Variants in HAUS7 observed in about 807,000 individuals in gnomAD.
HAUS7 encodes HAUS augmin like complex subunit 7, also known as HAUS augmin-like complex subunit 7.
HAUS7 carries 3 observed loss-of-function variants against 28.4 expected under a neutral mutation model. The observed-to-expected ratio is 0.11, with a 90% CI of 0.05 to 0.27. The LOEUF (loss-of-function observed/expected upper bound fraction) is 0.27. Among genes scored for constraint, HAUS7 ranks in the 10% least tolerant of loss-of-function variants. The probability of loss-of-function intolerance (pLI) is 1.00; values close to 1 mark genes in which losing one functional copy is unlikely to be tolerated. For synonymous variants in HAUS7, 165 were observed against 132.1 expected, an observed-to-expected ratio of 1.25 and a Z score of -1.71; for missense variants, 284 against 297.3, an observed-to-expected ratio of 0.96 and a Z score of 0.33.
intron 4 of HAUS7, among the ~76,000 whole-genome samples, chrX:153,458,102 G>A (rs2089339457): frequency 1.8e-5 from 2 of 113,477 alleles, no homozygotes; most frequent in African/African-American, 6.4e-5. Context: ...GTCCGTTCTG[G>A]TGCATTCCTC....
intron 4 of HAUS7, among the ~76,000 whole-genome samples, chrX:153,458,980 A>C (rs2089352459): frequency 9.1e-6 from 1 of 110,079 alleles, no homozygotes; most frequent in Non-Finnish European, 1.9e-5. Flanking sequence ...CTGGTCTTAA[A>C]CTCCTGAGCT....
chrX:153,489,806 C>A (rs868983864), intron 1 of HAUS7, among the ~76,000 whole-genome samples: 1 of 112,695 alleles, frequency 8.9e-6, no homozygotes, highest in Non-Finnish European at 1.9e-5. Flanking sequence ...ACTGGCCCCC[C>A]ACGGGCCCAC....
intron 5 of HAUS7, chrX:153,456,930 C>T: frequency 2.3e-6 from 1 of 442,167 alleles, no homozygotes; most frequent in East Asian, 3.7e-5. Flanking sequence ...ACCCCCGGGG[C>T]CTTGGGCAAC....
intron 1 of HAUS7, among the ~76,000 whole-genome samples, chrX:153,489,165 GCCCAGGGGATTC>G (rs1301349845): frequency 8.9e-6 from 1 of 112,347 alleles, no homozygotes; most frequent in African/African-American, 3.2e-5. Context: ...GCTGTTTCCA[GCCCAGGGGATTC>G]CCCAGAGGGC....
At position 153,486,821 on chromosome X, in the gene HAUS7, C is replaced by T. The variant is rs781977498; in HGVS notation, c.-589+8553G>A. On this transcript the variant is annotated intron_variant, in intron 1 of 5. Transcript: ENST00000370210. The stretch of plus-strand genomic sequence containing the variant: ...GAGGAGGGCTCCTAGTCCTGCCTGC[C>T]GCCTTCCTCCAGCACACACTCTGCT... 2.6e-5 allele frequency: 25 copies of T among 979,218 alleles called. No homozygotes were observed. In the East Asian group the frequency reaches 1.2e-3, roughly 47 times the overall value. 80.7% of individuals were successfully genotyped at this position (979,218 alleles called of 1,213,427 possible).
chrX:153,462,045 C>A, intron 4 of HAUS7: 1 of 728,462 alleles, frequency 1.4e-6, no homozygotes, highest in South Asian at 2.4e-5. Context: ...GTGTCATAGG[C>A]CATTGGTCAC....
At chrX:153,462,556 G>A (rs1336805969) in intron 4 of HAUS7, 54 bp downstream of exon 4, 1 of 961,338 alleles carries the variant, frequency 1.0e-6, no homozygotes, top group East Asian at 3.1e-5. Flanking sequence ...GAGGTTCCCT[G>A]CCCAGGGCAG....
rs782260881 is a variant in HAUS7 at position 153,486,587 on chromosome X, C to T, written c.-589+8787G>A. 1.8e-4 allele frequency: 174 copies of T among 952,666 alleles called. 2 individuals are homozygous for T. In the East Asian group the frequency reaches 8.2e-3, roughly 45 times the overall value. 78.5% of individuals were successfully genotyped at this position (952,666 alleles called of 1,213,427 possible). On this transcript the variant is annotated intron_variant, in intron 1 of 5. Transcript: ENST00000370210. Reference sequence around the variant, plus strand: ...TTGAATGATGCCTACCCCGTCTTTCCGGGGTCTTCTCTCCCCTGCTCTGCC... The same window carrying T: ...TTGAATGATGCCTACCCCGTCTTTCTGGGGTCTTCTCTCCCCTGCTCTGCC...
At chrX:153,493,338 AC>A (rs2089683131) in intron 1 of HAUS7, among the ~76,000 whole-genome samples, 1 of 111,674 alleles carries the variant, frequency 9.0e-6, no homozygotes, top group South Asian at 3.8e-4. Flanking sequence ...CTCCACCCAG[AC>A]TGCTAGTCAG....
intron 1 of HAUS7, chrX:153,481,122 C>G: frequency 1.8e-6 from 1 of 567,873 alleles, no homozygotes; most frequent in Non-Finnish European, 2.1e-6. Context: ...GTTTCCAAGC[C>G]AAGTGCCCTC....
At chrX:153,471,952 T>A (rs1008639944), upstream of HAUS7, among the ~76,000 whole-genome samples, 22 of 112,361 alleles carry the variant, frequency 2.0e-4, no homozygotes, top group Non-Finnish European at 3.8e-4. Flanking sequence ...TTTTAAGCGT[T>A]TTTTTCCCTC....
chrX:153,472,190 C>T, upstream of HAUS7, among the ~76,000 whole-genome samples: 1 of 111,502 alleles, frequency 9.0e-6, no homozygotes, highest in Admixed American at 9.5e-5. Flanking sequence ...AAGAAAATCT[C>T]CCTCCTCCAC....
At chrX:153,484,787 G>A (rs907343629) in intron 1 of HAUS7, among the ~76,000 whole-genome samples, 5 of 113,172 alleles carry the variant, frequency 4.4e-5, no homozygotes, top group Non-Finnish European at 3.8e-5. Context: ...CTCCCGCCAC[G>A]AGGCCTGGGC....
At chrX:153,485,741 C>T in intron 1 of HAUS7, 1 of 817,065 alleles carries the variant, frequency 1.2e-6, no homozygotes, top group Non-Finnish European at 1.5e-6. Flanking sequence ...CCGTCAGCTC[C>T]CTCTGCCCCT....
chrX:153,467,468 A>G (rs1556984433), intron 2 of HAUS7, among the ~76,000 whole-genome samples: 1 of 111,497 alleles, frequency 9.0e-6, no homozygotes, highest in Non-Finnish European at 1.9e-5. Flanking sequence ...AGCTGCCCTG[A>G]GCTGCCATTC....
chrX:153,467,416 T>C (rs2089467083), intron 2 of HAUS7, among the ~76,000 whole-genome samples: 1 of 111,353 alleles, frequency 9.0e-6, no homozygotes, highest in Non-Finnish European at 1.9e-5. Context: ...GCCCAGAACA[T>C]AAAGCTCAAA....
Position 153,481,803 on chromosome X carries a change from C to T in HAUS7, c.-588-10658G>A, listed in dbSNP as rs1020664677. 15 of 749,095 alleles carry T rather than the reference C, an allele frequency of 2.0e-5. No individual in the cohort carries two copies. In the South Asian group the frequency reaches 5.5e-4, roughly 27 times the overall value. The allele number at this position is 749,095 out of a possible 1,213,427, so 61.7% of individuals were successfully genotyped here. A position where few individuals can be genotyped will look rare whatever the true frequency, so the allele number is the denominator to read the frequency against. On this transcript the variant is annotated intron_variant, in intron 1 of 5. Coordinates refer to the HAUS7 transcript ENST00000370210. ...GCAGAGAATATGGCTGCCCCATGTGCGCACAGAGAATGAAATTGCCAAGAT... is the reference window on the plus strand; with the variant it reads ...GCAGAGAATATGGCTGCCCCATGTGTGCACAGAGAATGAAATTGCCAAGAT...
At chrX:153,469,318 T>TTTTA (rs1231141702) in intron 1 of HAUS7, 57 bp from the exon 2 acceptor site, 5 of 548,093 alleles carry the variant, frequency 9.1e-6, no homozygotes, top group Admixed American at 2.8e-5. Context: ...CATCATTTCA[T>TTTTA]TTTATTTATT....
rs782230043 is a variant in HAUS7, at chrX:153,467,799, A to G, written c.224+1347T>C. On this transcript the variant is annotated intron_variant, in intron 2 of 9. Coordinates refer to ENST00000370211, the MANE Select transcript of HAUS7 (RefSeq NM_001385482.1). ...ATACTAAAGAGCCGGAAATGACAGC[A>G]GGCCAAGAGTGCACCCACAGGTTGA... 3.5e-4 allele frequency among the ~76,000 whole-genome samples: 40 copies of G among 112,960 alleles called. 1 individual carries two copies. The highest frequency in any genetic ancestry group is 8.0e-4 in the African/African-American group (25 of 31,188).
Sources: gnomAD v4.1 joint callset for allele counts (sites outside exome capture counted in the v4.1 genomes callset) on GRCh38, gnomAD v4.1.1 for gene constraint, MANE v1.5 for transcripts, NCBI Gene and HGNC (gene_info 2026-07-23, HGNC 2026-07-21) for gene names.